EFHD2: variants seen among roughly 807,000 people sequenced by gnomAD.
EFHD2 encodes the protein EF-hand domain family member D2.
A neutral mutation model predicts 20.3 loss-of-function variants in EFHD2; 12 were observed. That is an observed-to-expected ratio of 0.59 (90% CI 0.38 to 0.96). The LOEUF is 0.96. Among genes scored for constraint, EFHD2 ranks in the 40% least tolerant of loss-of-function variants. The pLI is 0.00. For missense variants in EFHD2, 250 were observed against 334.3 expected, an observed-to-expected ratio of 0.75 and a Z score of 1.97; for synonymous variants, 131 against 143.9, an observed-to-expected ratio of 0.91 and a Z score of 0.64.
rs1333159414 is a variant in EFHD2, at chr1:15,426,123, T to C, written c.456+105T>C. Reference sequence around the variant, plus strand: ...CCCTTTGTCAATGAATGAATGACATTGCCATTGAACAGCAGCTGTGAGCAG... The same window carrying C: ...CCCTTTGTCAATGAATGAATGACATCGCCATTGAACAGCAGCTGTGAGCAG... On this transcript the variant is annotated intron_variant, in intron 2 of 3. Transcript: ENST00000375980. The surrounding 1 kb of genome is among the most constrained non-coding windows in gnomAD (Gnocchi z 4.6). The C allele has an allele frequency of 8.1e-7, 1 of 1,238,444 alleles. No homozygotes were observed. The highest frequency in any genetic ancestry group is 2.9e-5 in the East Asian group (1 of 34,832). 76.7% of individuals were successfully genotyped at this position (1,238,444 alleles called of 1,614,324 possible).
intron 1 of EFHD2, among the ~76,000 whole-genome samples, chr1:15,424,605 C>T (rs1557501619): frequency 6.6e-6 from 1 of 152,252 alleles, no homozygotes; most frequent in African/African-American, 2.4e-5. Flanking sequence ...CTGCACCACA[C>T]GTCCCTGAAC....
intron 3 of EFHD2, among the ~76,000 whole-genome samples, chr1:15,427,647 C>G (rs1418019951): frequency 6.6e-6 from 1 of 152,200 alleles, no homozygotes; most frequent in African/African-American, 2.4e-5. Context: ...GACACCAATC[C>G]CACCAGCCCC....
chr1:15,419,458 G>T (rs1012266607), intron 1 of EFHD2, among the ~76,000 whole-genome samples: 1 of 152,192 alleles, frequency 6.6e-6, no homozygotes, highest in African/African-American at 2.4e-5. Flanking sequence ...ACCAAGCTGG[G>T]CTCTCAGTCC....
intron 1 of EFHD2, among the ~76,000 whole-genome samples, chr1:15,415,878 G>A (rs761662584): frequency 6.6e-6 from 1 of 152,184 alleles, no homozygotes; most frequent in Non-Finnish European, 1.5e-5. Flanking sequence ...TTAAGTGGCA[G>A]TGACAGGATT....
At chr1:15,424,551 G>A (rs907043081) in intron 1 of EFHD2, among the ~76,000 whole-genome samples, 13 of 152,084 alleles carry the variant, frequency 8.5e-5, no homozygotes, top group Non-Finnish European at 1.9e-4. Flanking sequence ...GCTTGTTCCC[G>A]GCTTCCCCAC....
chr1:15,412,262 T>C (rs1004782594), intron 1 of EFHD2, among the ~76,000 whole-genome samples: 1 of 152,062 alleles, frequency 6.6e-6, no homozygotes, highest in Non-Finnish European at 1.5e-5. Context: ...GATCACTGTC[T>C]GTCACTGCCC....
At chr1:15,418,181 G>A (rs34959454) in intron 1 of EFHD2, among the ~76,000 whole-genome samples, 6,549 of 151,110 alleles carry the variant, frequency 0.043, 196 homozygotes, top group East Asian at 0.095. Flanking sequence ...GTAGAGACAG[G>A]GTTTCACCAT....
In EFHD2 at chr1:15,424,747, T is replaced by C. The variant is rs548767760; in HGVS notation, c.309-1124T>C. Among the ~76,000 whole-genome samples the C allele has an allele frequency of 1.6e-4, 24 of 152,298 alleles. 1 individual carries two copies. The South Asian group carries it at 3.7e-3, about 24-fold the overall frequency. On this transcript the variant is annotated intron_variant, in intron 1 of 3. Transcript: ENST00000375980. ...CGTCTTATTTCTTCATTACACATTT[T>C]TGAGCACCTACTGTGTGCTTTTTAA...
intron 1 of EFHD2, among the ~76,000 whole-genome samples, chr1:15,417,983 T>TTTTC (rs1384513761): frequency 0.031 from 2,224 of 71,114 alleles, 90 homozygotes; most frequent in African/African-American, 0.27. Context: ...TTCTTTTTCT[T>TTTTC]TTTTTTTTTT....
chr1:15,426,165 T>C lies in EFHD2; in HGVS notation c.456+147T>C. 1.1e-6 allele frequency: 1 copy of C among 895,540 alleles called. No homozygotes were observed. Among genetic ancestry groups the C allele is most frequent in the African/African-American group, 1.8e-5 (1 of 56,752 alleles). 55.5% of individuals were successfully genotyped at this position (895,540 alleles called of 1,614,324 possible). On this transcript the variant is annotated intron_variant, in intron 2 of 3. Coordinates refer to ENST00000375980, the MANE Select transcript of EFHD2 (RefSeq NM_024329.6). This position sits in a 1 kb window ranked among gnomAD's most constrained non-coding sequence, Gnocchi z 4.6. ...TGTGAGCAGCTGCTGCTTGGCTGAG[T>C]GAGGCTTCAGAGGGCCTGTTACAGC...
chr1:15,411,355 C>T (rs1296920439), intron 1 of EFHD2, among the ~76,000 whole-genome samples: 3 of 152,146 alleles, frequency 2.0e-5, no homozygotes, highest in South Asian at 4.1e-4. Flanking sequence ...TGGGCACCCC[C>T]AGGCGTGTGG....
chr1:15,425,685 C>CT (rs1707862384), intron 1 of EFHD2, among the ~76,000 whole-genome samples, 186 bp from the exon 2 acceptor site: 1 of 152,134 alleles, frequency 6.6e-6, no homozygotes, highest in Non-Finnish European at 1.5e-5. Context: ...TCCCCGTCAT[C>CT]AGAGGTAACC....
Position 15,428,883 on chromosome 1 carries a change from G to T in EFHD2, c.*159G>T, listed in dbSNP as rs1050103418. 11 of 1,156,054 alleles carry T rather than the reference G, an allele frequency of 9.5e-6. No homozygotes were observed. Among genetic ancestry groups the T allele is most frequent in the African/African-American group, 1.6e-5 (1 of 64,304 alleles). 71.6% of individuals were successfully genotyped at this position (1,156,054 alleles called of 1,614,324 possible). A position where few individuals can be genotyped will look rare whatever the true frequency, so the allele number is the denominator to read the frequency against. ...GCAAGTTCAGGGGTCTTATGGAGGT[G>T]GCCCGGCCCCTCCCCGCTCCCTTCC... On this transcript the variant is annotated 3_prime_UTR_variant, in exon 4 of 4. Transcript: ENST00000375980.
rs368223399 is a variant in EFHD2 at position 15,427,128 on chromosome 1, C to A, written c.457-22C>A. The A allele has an allele frequency of 6.8e-6, 11 of 1,608,850 alleles. No homozygotes were observed. The Admixed American group carries it at 1.8e-4, about 27-fold the overall frequency. On this transcript the variant is annotated intron_variant, in intron 2 of 3. Coordinates refer to ENST00000375980, the MANE Select transcript of EFHD2 (RefSeq NM_024329.6). ...CTCCTTCCCTCCCTTCCTGACACCG[C>A]GCGCCTCCCTCCCCGCTGCAGTTCC...
rs373729236 is a variant in EFHD2, at chr1:15,425,885, G to A, written c.323G>A (p.Arg108Gln). 21 of 1,606,486 alleles carry A rather than the reference G, an allele frequency of 1.3e-5. No individual in the cohort carries two copies. Among genetic ancestry groups the A allele is most frequent in the Admixed American group, 1.0e-4 (6 of 58,804 alleles). ...EKMFKQYDAG[R>Q]DGFIDLMELK... ...TGCATCTGCAGGTATGATGCCGGGC[G>A]GGACGGCTTCATCGACCTGATGGAG... Residue 108 changes from arginine (R) to glutamine (Q), a missense_variant, in exon 2 of 4, where the codon CGG (arginine) becomes CAG (glutamine). Arg to Gln is a conservative substitution (Grantham distance 43). This residue lies in a region of EFHD2 where 143 missense variants were observed against 190.6 expected (regional missense o/e 0.75). Transcript: ENST00000375980.
At chr1:15,412,071 C>T (rs560106270) in intron 1 of EFHD2, among the ~76,000 whole-genome samples, 42 of 152,104 alleles carry the variant, frequency 2.8e-4, no homozygotes, top group African/African-American at 9.6e-4. Flanking sequence ...AGTCCCAGGG[C>T]CCAGAACCTC....
At chr1:15,415,580 C>T (rs1306360353) in intron 1 of EFHD2, among the ~76,000 whole-genome samples, 2 of 151,774 alleles carry the variant, frequency 1.3e-5, no homozygotes, top group Non-Finnish European at 2.9e-5. Flanking sequence ...CCTTCGTCTC[C>T]TGGGTTCAAG....
chr1:15,420,508 A>ATTATTTATTTATTTATTTAT lies in EFHD2; in HGVS notation c.309-5356_309-5337dup, dbSNP rs71572155. 5.0e-3 allele frequency among the ~76,000 whole-genome samples: 754 copies of ATTATTTATTTATTTATTTAT among 151,236 alleles called. 7 individuals are homozygous for ATTATTTATTTATTTATTTAT. Among genetic ancestry groups the ATTATTTATTTATTTATTTAT allele is most frequent in the African/African-American group, 0.016 (670 of 40,878 alleles). ...AGGCATACACCACCACGCCCAGCTA[A>ATTATTTATTTATTTATTTAT]TTATTTATTTATTTATTTATTTATT... On this transcript the variant is annotated intron_variant, in intron 1 of 3. Transcript: ENST00000375980.
chr1:15,428,761 TGTGG>T lies in EFHD2; in HGVS notation c.*38_*41del, dbSNP rs1273845620. On this transcript the variant is annotated 3_prime_UTR_variant, in exon 4 of 4. Transcript: ENST00000375980. ...GCCGACCGCCCTGCTCCGGCCCCAG[TGTGG>T]TGGGCGAGGGTGGCGCATGGGAGGC... The T allele has an allele frequency of 3.9e-6, 6 of 1,555,112 alleles. No individual in the cohort carries two copies. The highest frequency in any genetic ancestry group is 5.2e-6 in the Non-Finnish European group (6 of 1,150,178).
Sources: gnomAD v4.1 joint callset for allele counts (sites outside exome capture counted in the v4.1 genomes callset) on GRCh38, gnomAD v4.1.1 for gene constraint, gnomAD v4.1.1 regional missense constraint, Gnocchi (gnomAD v3.1) non-coding constraint, MANE v1.5 for transcripts, NCBI Gene and HGNC (gene_info 2026-07-23, HGNC 2026-07-21) for gene names.